Variants in ESRRG observed in about 807,000 individuals in gnomAD.
ESRRG encodes estrogen-related receptor gamma.
A neutral mutation model predicts 44.0 loss-of-function variants in ESRRG; 13 were observed. That is an observed-to-expected ratio of 0.30 (90% CI 0.19 to 0.47). The LOEUF is 0.47. Ranked by LOEUF, ESRRG falls within the 20% of genes least tolerant of loss-of-function variation. ESRRG has a pLI of 1.00. For synonymous variants in ESRRG, 215 were observed against 214.6 expected, an observed-to-expected ratio of 1.00 and a Z score of -0.02; for missense variants, 395 against 580.6, an observed-to-expected ratio of 0.68 and a Z score of 3.29.
intron 5 of ESRRG, among the ~76,000 whole-genome samples, chr1:216,547,579 G>A (rs1375101920): frequency 2.0e-5 from 3 of 152,064 alleles, no homozygotes; most frequent in Non-Finnish European, 4.4e-5. Flanking sequence ...TGGTGCAAGC[G>A]TGTGTGTTAA....
intron 2 of ESRRG, among the ~76,000 whole-genome samples, chr1:216,876,815 C>T (rs900554540): frequency 3.3e-5 from 5 of 152,104 alleles, no homozygotes; most frequent in African/African-American, 1.2e-4. Flanking sequence ...ATGTTAAATG[C>T]TCAACATGAA....
chr1:217,120,775 A>G (rs2092808400), intron 1 of ESRRG, among the ~76,000 whole-genome samples: 1 of 152,176 alleles, frequency 6.6e-6, no homozygotes, highest in Admixed American at 6.5e-5. Flanking sequence ...ATACGTACCA[A>G]CTTGGTGAAG....
chr1:217,045,746 T>C (rs943043906), intron 1 of ESRRG, among the ~76,000 whole-genome samples: 3 of 152,012 alleles, frequency 2.0e-5, no homozygotes, highest in African/African-American at 4.8e-5. Context: ...GTAATACATC[T>C]TCAAAACAAT....
intron 1 of ESRRG, among the ~76,000 whole-genome samples, chr1:216,978,766 T>C (rs1199310677): frequency 6.6e-6 from 1 of 152,156 alleles, no homozygotes; most frequent in Non-Finnish European, 1.5e-5. Context: ...GGAAGTTTTT[T>C]CCACATGTCC....
chr1:217,088,746 G>A (rs1019991777), intron 1 of ESRRG, among the ~76,000 whole-genome samples: 1 of 152,002 alleles, frequency 6.6e-6, no homozygotes, highest in Non-Finnish European at 1.5e-5. Flanking sequence ...GCTTGGAAAA[G>A]GTTGCCGGAA....
chr1:216,986,445 G>T (rs1384504011), intron 1 of ESRRG, among the ~76,000 whole-genome samples: 1 of 152,114 alleles, frequency 6.6e-6, no homozygotes, highest in Non-Finnish European at 1.5e-5. Flanking sequence ...CCGGCATGGT[G>T]GCTCATGCCT....
intron 3 of ESRRG, among the ~76,000 whole-genome samples, chr1:216,603,730 A>C (rs2059545838): frequency 6.6e-6 from 1 of 152,144 alleles, no homozygotes; most frequent in Non-Finnish European, 1.5e-5. Flanking sequence ...GGAGTTCAAG[A>C]CCAGCCTGGC....
chr1:216,677,705 A>C (rs1186146239), intron 1 of ESRRG, among the ~76,000 whole-genome samples: 13 of 152,178 alleles, frequency 8.5e-5, no homozygotes, highest in Non-Finnish European at 1.3e-4. Flanking sequence ...TCTCTAGTCA[A>C]TACTTCTTGT....
At position 216,960,299 on chromosome 1, in the gene ESRRG, C is replaced by T. The variant is rs926985723; in HGVS notation, c.-105-20626G>A. Among the ~76,000 whole-genome samples, 4 of 152,196 alleles carry T rather than the reference C, an allele frequency of 2.6e-5. No homozygotes were observed. The South Asian group carries it at 6.2e-4, about 24-fold the overall frequency. On this transcript the variant is annotated intron_variant, in intron 1 of 7. Coordinates refer to the ESRRG transcript ENST00000359162. ...AATAAACTCTCATGGATCTACCAAC[C>T]AGCTTAAATAATGAGCATTGCCAAA...
intron 3 of ESRRG, among the ~76,000 whole-genome samples, chr1:216,625,935 TTCTC>T (rs907653937): frequency 6.6e-6 from 1 of 152,184 alleles, no homozygotes; most frequent in African/African-American, 2.4e-5. Context: ...CCGTATGCCT[TTCTC>T]TCTCTGACTC....
intron 2 of ESRRG, among the ~76,000 whole-genome samples, chr1:216,928,626 C>G (rs2062898555): frequency 6.6e-6 from 1 of 152,128 alleles, no homozygotes; most frequent in African/African-American, 2.4e-5. Flanking sequence ...ATGCCACTGA[C>G]CATCACCCAG....
At chr1:216,929,854 A>T (rs2063099283) in intron 2 of ESRRG, among the ~76,000 whole-genome samples, 1 of 152,082 alleles carries the variant, frequency 6.6e-6, no homozygotes, top group South Asian at 2.1e-4. Flanking sequence ...TACATCTGTG[A>T]TCCCTTTCCA....
At chr1:216,571,460 A>C (rs1177323112) in intron 3 of ESRRG, among the ~76,000 whole-genome samples, 1 of 152,052 alleles carries the variant, frequency 6.6e-6, no homozygotes, top group Non-Finnish European at 1.5e-5. Context: ...CAAACAAACA[A>C]ACAAACATAA....
chr1:217,094,031 T>G (rs1048230401), upstream of ESRRG, among the ~76,000 whole-genome samples: 5 of 151,840 alleles, frequency 3.3e-5, no homozygotes, highest in African/African-American at 1.2e-4. Flanking sequence ...TACAGGTACG[T>G]GCCACCATGC....
intron 4 of ESRRG, among the ~76,000 whole-genome samples, chr1:216,565,492 T>C (rs2059530402): frequency 6.6e-6 from 1 of 152,178 alleles, no homozygotes; most frequent in African/African-American, 2.4e-5. Flanking sequence ...CGCTCTAAGT[T>C]TTTAACTTTT....
At chr1:216,983,838 A>T (rs2074411690) in intron 1 of ESRRG, among the ~76,000 whole-genome samples, 1 of 151,868 alleles carries the variant, frequency 6.6e-6, no homozygotes, top group African/African-American at 2.4e-5. Flanking sequence ...ATAAACGATA[A>T]CCTGCCTGCT....
intron 2 of ESRRG, among the ~76,000 whole-genome samples, chr1:216,671,119 C>T (rs538188006): frequency 2.0e-4 from 31 of 152,294 alleles, no homozygotes; most frequent in African/African-American, 7.5e-4. Context: ...ACACCTCACA[C>T]AGGGAAGATA....
rs183449123 is a variant in ESRRG, at chr1:216,653,366, G to A, written c.473-2277C>T. Among the ~76,000 whole-genome samples, 434 of 152,204 alleles carry A rather than the reference G, an allele frequency of 2.9e-3. 2 individuals are homozygous for A. The highest frequency in any genetic ancestry group is 8.4e-3 in the African/African-American group (350 of 41,530). On this transcript the variant is annotated intron_variant, in intron 2 of 6. Coordinates refer to ENST00000408911, the MANE Select transcript of ESRRG (RefSeq NM_001438.4). The stretch of plus-strand genomic sequence containing the variant: ...CTTTCCCTAGGACTGCTTTGATCAC[G>A]TCATTATGCTGATTTTAAAAAATCA...
intron 3 of ESRRG, among the ~76,000 whole-genome samples, chr1:216,596,235 G>A (rs978828168): frequency 6.6e-6 from 1 of 152,166 alleles, no homozygotes; most frequent in Non-Finnish European, 1.5e-5. Flanking sequence ...CTGTCACTGC[G>A]AGAGCTTTTC....
Sources: gnomAD v4.1 joint callset for allele counts (sites outside exome capture counted in the v4.1 genomes callset) on GRCh38, gnomAD v4.1.1 for gene constraint, MANE v1.5 for transcripts, NCBI Gene and HGNC (gene_info 2026-07-23, HGNC 2026-07-21) for gene names.